Variants in TMEM30A observed in about 807,000 individuals in gnomAD.
The protein encoded by TMEM30A is cell cycle control protein 50A.
In TMEM30A, 24 loss-of-function variants were observed where a neutral mutation model predicts 38.2. That is an observed-to-expected ratio of 0.63 (90% CI 0.46 to 0.88). The LOEUF is 0.88. Among genes scored for constraint, TMEM30A ranks in the 40% least tolerant of loss-of-function variants. The pLI is 0.00. For synonymous variants in TMEM30A, 145 were observed against 161.6 expected (o/e 0.90, Z 0.78); for missense variants, 370 against 458.6 (o/e 0.81, Z 1.77).
At chr6:75,283,959 C>T (rs1772409000) in intron 1 of TMEM30A, among the ~76,000 whole-genome samples, 1 of 152,170 alleles carries the variant, frequency 6.6e-6, no homozygotes, top group African/African-American at 2.4e-5. Context: ...TCTTGGGATA[C>T]TTCCCACAAA....
At chr6:75,267,125 A>G (rs1440658581) in intron 2 of TMEM30A, among the ~76,000 whole-genome samples, 1 of 152,170 alleles carries the variant, frequency 6.6e-6, no homozygotes, top group East Asian at 1.9e-4. Context: ...TCAGAATGGC[A>G]GTGTAAATGC....
At chr6:75,273,263 A>T (rs189966116) in intron 1 of TMEM30A, among the ~76,000 whole-genome samples, 9 of 152,326 alleles carry the variant, frequency 5.9e-5, no homozygotes, top group Admixed American at 5.2e-4. Context: ...GGAACTGAAG[A>T]GTTTTGAGGA....
rs1386806770 is a variant in TMEM30A at position 75,284,450 on chromosome 6, G to A, written c.189C>T (p.Pro63=). Reference sequence around the variant, plus strand: ...AGGTGACAAAAATGCCAATGCCGATGGGAATGAAGATGAGACCGATGATGA... The same window carrying A: ...AGGTGACAAAAATGCCAATGCCGATAGGAATGAAGATGAGACCGATGATGA... ...IFFIIGLIFI[P]IGIGIFVTSN... The change falls in exon 1 of 7, where the codon CCC becomes CCT. Residue 63 remains proline, a synonymous_variant. Transcript: ENST00000230461. 1.9e-6 allele frequency: 3 copies of A among 1,614,042 alleles called. No homozygotes were observed. The highest frequency in any genetic ancestry group is 2.5e-6 in the Non-Finnish European group (3 of 1,180,030).
rs1771828496 is a variant in TMEM30A at position 75,254,065 on chromosome 6, C to G, written c.*2037G>C. On this transcript the variant is annotated 3_prime_UTR_variant, in exon 7 of 7. Coordinates refer to ENST00000230461, the MANE Select transcript of TMEM30A (RefSeq NM_018247.4). ...GTTCCATACTCTTCATATTTAGCAA[C>G]AGGAGTTCCTTAGAGATCAAACAGC... The G allele has an allele frequency of 6.6e-6, 1 of 152,094 alleles. No homozygotes were observed. Among genetic ancestry groups the G allele is most frequent in the Admixed American group, 6.6e-5 (1 of 15,254 alleles). The allele number at this position is 152,094 out of a possible 1,614,324, so 9.4% of individuals were successfully genotyped here. A position where few individuals can be genotyped will look rare whatever the true frequency, so the allele number is the denominator to read the frequency against.
intron 1 of TMEM30A, among the ~76,000 whole-genome samples, chr6:75,281,813 T>C (rs1772361063): frequency 6.6e-6 from 1 of 152,150 alleles, no homozygotes; most frequent in African/African-American, 2.4e-5. Flanking sequence ...TGAAAGTGAA[T>C]GTTGGTAAGA....
chr6:75,260,953 G>T, intron 3 of TMEM30A, 42 bp from the exon 4 acceptor site: 1 of 1,405,228 alleles, frequency 7.1e-7, no homozygotes, highest in Non-Finnish European at 9.8e-7. Flanking sequence ...TATTATCCAG[G>T]CCTTTGGGAG....
chr6:75,284,722 G>T lies in TMEM30A; in HGVS notation c.-84C>A. ...TGACCCTGACAGGAACCGCTCGAGC[G>T]CCGCTGCCGCCGCCGCCGCCGCAGC... On this transcript the variant is annotated 5_prime_UTR_variant, in exon 1 of 7. Coordinates refer to ENST00000230461, the MANE Select transcript of TMEM30A (RefSeq NM_018247.4). 7.2e-7 allele frequency: 1 copy of T among 1,383,042 alleles called. No homozygotes were observed. The highest frequency in any genetic ancestry group is 1.4e-5 in the African/African-American group (1 of 70,510). The allele number at this position is 1,383,042 out of a possible 1,614,324, so 85.7% of individuals were successfully genotyped here.
rs775277036 is a variant in TMEM30A, at chr6:75,259,452, G to GA, written c.579dup (p.Pro194SerfsTer17). ...TTCTTTTTCAAAGCGATAGGTATAG[G>GA]ATAAGAATCATTGCCAATGAGAAAC... On this transcript the variant is annotated frameshift_variant, in exon 5 of 7. Coordinates refer to ENST00000230461, the MANE Select transcript of TMEM30A (RefSeq NM_018247.4). LOFTEE classifies it high-confidence loss of function. 1.8e-5 allele frequency: 29 copies of GA among 1,608,848 alleles called. No homozygotes were observed. Among genetic ancestry groups the GA allele is most frequent in the Non-Finnish European group, 2.4e-5 (28 of 1,178,320 alleles).
At chr6:75,267,439 C>A (rs747812576) in intron 2 of TMEM30A, among the ~76,000 whole-genome samples, 4 of 152,212 alleles carry the variant, frequency 2.6e-5, no homozygotes, top group African/African-American at 4.8e-5. Flanking sequence ...ACTAACTAAA[C>A]CATTCAAATA....
intron 3 of TMEM30A, among the ~76,000 whole-genome samples, chr6:75,262,644 CAA>C (rs5877446): frequency 2.8e-5 from 4 of 144,762 alleles, no homozygotes; most frequent in South Asian, 2.2e-4. Context: ...GACTCCGTCT[CAA>C]AAAAAAAAAC....
intron 1 of TMEM30A, among the ~76,000 whole-genome samples, chr6:75,273,921 C>T (rs942206848): frequency 2.0e-5 from 3 of 152,134 alleles, no homozygotes; most frequent in African/African-American, 7.2e-5. Flanking sequence ...TCATTCAAAC[C>T]TGAGTCCCTA....
chr6:75,269,812 A>G (rs2149521676), intron 1 of TMEM30A, among the ~76,000 whole-genome samples: 1 of 152,194 alleles, frequency 6.6e-6, no homozygotes, highest in Middle Eastern at 3.4e-3. Flanking sequence ...CTCCTGCCTC[A>G]GCCTTCCAAG....
intron 1 of TMEM30A, among the ~76,000 whole-genome samples, chr6:75,283,792 A>G (rs2149526084): frequency 6.6e-6 from 1 of 152,340 alleles, no homozygotes; most frequent in South Asian, 2.1e-4. Context: ...ACAACTAAAA[A>G]TATCGAATTA....
intron 6 of TMEM30A, among the ~76,000 whole-genome samples, chr6:75,258,096 C>T (rs1045590126): frequency 6.6e-6 from 1 of 152,110 alleles, no homozygotes; most frequent in Admixed American, 6.5e-5. Context: ...GAGTCAACAG[C>T]CTGGTTATGA....
Position 75,260,857 on chromosome 6 carries a change from G to A in TMEM30A, c.508C>T (p.Pro170Ser). Residue 170 changes from proline (P) to serine (S), a missense_variant, in exon 4 of 7, where the codon CCT (proline) becomes TCT (serine). Transcript: ENST00000230461. Reference sequence around the variant, plus strand: ...ATGCTGTTGGCAATAGCTCCACAAGGAGCAATTGGTTTGTCTTCATTTCTT... The same window carrying A: ...ATGCTGTTGGCAATAGCTCCACAAGAAGCAATTGGTTTGTCTTCATTTCTT... ...YRRNEDKPIA[P>S]CGAIANSMFN... The A allele has an allele frequency of 6.2e-7, 1 of 1,600,766 alleles. No individual in the cohort carries two copies. Among genetic ancestry groups the A allele is most frequent in the Non-Finnish European group, 8.5e-7 (1 of 1,176,750 alleles).
At position 75,284,396 on chromosome 6, in the gene TMEM30A, C is replaced by T. The variant is rs768306403; in HGVS notation, c.237+6G>A. 1 of 1,613,738 alleles carries T rather than the reference C, an allele frequency of 6.2e-7. No individual in the cohort carries two copies. The highest frequency in any genetic ancestry group is 2.2e-5 in the East Asian group (1 of 44,870). On this transcript the variant is annotated splice_donor_region_variant and intron_variant, in intron 1 of 6. Coordinates refer to ENST00000230461, the MANE Select transcript of TMEM30A (RefSeq NM_018247.4). ...GCCAACTCCCACCACAGCTCCCTCC[C>T]CTCACCTCGATCTCGCGGATGTTGT...
intron 1 of TMEM30A, among the ~76,000 whole-genome samples, chr6:75,272,285 A>G (rs1240316001): frequency 6.6e-6 from 1 of 152,244 alleles, no homozygotes; most frequent in Non-Finnish European, 1.5e-5. Flanking sequence ...GCCTCCTATC[A>G]ACTATTAGTT....
rs1469840367 is a variant in TMEM30A, at chr6:75,267,364, C to T, written c.345+277G>A. 3.3e-5 allele frequency among the ~76,000 whole-genome samples: 5 copies of T among 152,158 alleles called. No homozygotes were observed. The East Asian group carries it at 5.8e-4, about 18-fold the overall frequency. On this transcript the variant is annotated intron_variant, in intron 2 of 6. Transcript: ENST00000230461. ...TATAAAACTTGATAAAAAATTGATT[C>T]GTACAGTCATAACATTATCTGTTGA... is the stretch of plus-strand genomic sequence containing the variant.
chr6:75,271,327 A>G (rs1360670314), intron 1 of TMEM30A, among the ~76,000 whole-genome samples: 5 of 152,180 alleles, frequency 3.3e-5, no homozygotes, highest in Non-Finnish European at 5.9e-5. Flanking sequence ...ATATAACAAT[A>G]TAACATTTTA....
Sources: gnomAD v4.1 joint callset for allele counts (sites outside exome capture counted in the v4.1 genomes callset) on GRCh38, gnomAD v4.1.1 for gene constraint, MANE v1.5 for transcripts, NCBI Gene and HGNC (gene_info 2026-07-23, HGNC 2026-07-21) for gene names.